ZFHX3: variants seen among roughly 807,000 people sequenced by gnomAD.
ZFHX3 encodes the protein zinc finger homeobox protein 3.
ZFHX3 carries 42 observed loss-of-function variants against 279.1 expected under a neutral mutation model. That is an observed-to-expected ratio of 0.15 (90% CI 0.12 to 0.19). ZFHX3 has a LOEUF of 0.19. Among genes scored for constraint, ZFHX3 ranks in the 10% least tolerant of loss-of-function variants. The pLI, the probability that ZFHX3 is intolerant of heterozygous loss-of-function variation, is 1.00. For missense variants in ZFHX3, 4,981 were observed against 4,754.0 expected (o/e 1.05, Z -1.40); for synonymous variants, 2,293 against 1,957.8 (o/e 1.17, Z -4.52).
chr16:73,250,480 C>T (rs1436014385), intron 5 of ZFHX3, among the ~76,000 whole-genome samples: 2 of 152,188 alleles, frequency 1.3e-5, no homozygotes, highest in Non-Finnish European at 2.9e-5. Context: ...TAATTACAAT[C>T]ACAATGAATA....
chr16:72,796,784 C>G lies in ZFHX3; in HGVS notation c.5898G>C (p.Lys1966Asn). 3.7e-6 allele frequency: 6 copies of G among 1,613,444 alleles called. No individual in the cohort carries two copies. Among genetic ancestry groups the G allele is most frequent in the Non-Finnish European group, 5.1e-6 (6 of 1,179,948 alleles). ...LVIQYNENKQ[K>N]VQKKNGKTDQ... ...CAGTCTTCCCATTCTTTTTCTGCAC[C>G]TTCTGCTTGTTCTCATTATACTGGA... Residue 1966 changes from lysine (K) to asparagine (N), a missense_variant, in exon 9 of 10, where the codon AAG becomes AAC. Around this residue, in one of 7 missense-constraint regions of ZFHX3, gnomAD observed 1,751 missense variants for 1,770.0 expected, o/e 0.99. Transcript: ENST00000268489.
At chr16:73,840,025 G>C (rs1388313433) in intron 1 of ZFHX3, among the ~76,000 whole-genome samples, 1 of 152,150 alleles carries the variant, frequency 6.6e-6, no homozygotes, top group Non-Finnish European at 1.5e-5. Flanking sequence ...TCACAGGTCA[G>C]TTTCTCTTGT....
chr16:73,772,936 C>A (rs2054035094), intron 1 of ZFHX3, among the ~76,000 whole-genome samples: 1 of 152,166 alleles, frequency 6.6e-6, no homozygotes, highest in Admixed American at 6.5e-5. Context: ...GATCTCAGAG[C>A]ATTTATTTCT....
chr16:72,990,892 A>G (rs1249147904), intron 1 of ZFHX3, among the ~76,000 whole-genome samples: 1 of 152,150 alleles, frequency 6.6e-6, no homozygotes, highest in Non-Finnish European at 1.5e-5. Context: ...AGGTACAAGA[A>G]TCGCTTAAAC....
intron 2 of ZFHX3, among the ~76,000 whole-genome samples, chr16:73,607,249 G>A (rs1029110562): frequency 6.6e-5 from 10 of 152,026 alleles, no homozygotes; most frequent in African/African-American, 1.4e-4. Context: ...GGCTGGTCTC[G>A]AACTCCTGAC....
At chr16:73,418,312 G>A (rs1337472630) in intron 3 of ZFHX3, among the ~76,000 whole-genome samples, 2 of 151,836 alleles carry the variant, frequency 1.3e-5, no homozygotes, top group African/African-American at 2.4e-5. Flanking sequence ...CTTCTGTTGA[G>A]TGACTTTGGG....
At position 73,840,830 on chromosome 16, in the gene ZFHX3, G is replaced by A. The variant is rs115637382; in HGVS notation, c.-1608+50821C>T. 1.9e-3 allele frequency among the ~76,000 whole-genome samples: 282 copies of A among 152,204 alleles called. 1 individual carries two copies. Among genetic ancestry groups the A allele is most frequent in the African/African-American group, 6.2e-3 (259 of 41,506 alleles). On this transcript the variant is annotated intron_variant, in intron 1 of 17. Transcript: ENST00000641206. Reference sequence around the variant, plus strand: ...TGATGAGATTTCCATTCCTCCTCCCGGTAAAACATGTCCCTTGGCAACCAT... The same window carrying A: ...TGATGAGATTTCCATTCCTCCTCCCAGTAAAACATGTCCCTTGGCAACCAT...
At chr16:72,880,145 C>T (rs531253879) in intron 4 of ZFHX3, among the ~76,000 whole-genome samples, 13 of 152,284 alleles carry the variant, frequency 8.5e-5, no homozygotes, top group Admixed American at 2.0e-4. Flanking sequence ...CTGTCCGAGG[C>T]GACTTCCAGG....
intron 4 of ZFHX3, among the ~76,000 whole-genome samples, chr16:72,867,115 G>C (rs934570253): frequency 6.6e-6 from 1 of 152,186 alleles, no homozygotes; most frequent in African/African-American, 2.4e-5. Context: ...CCAGTGTCAA[G>C]TCTCACTAAG....
chr16:73,047,434 C>G (rs1280713612), intron 1 of ZFHX3, among the ~76,000 whole-genome samples: 1 of 152,140 alleles, frequency 6.6e-6, no homozygotes, highest in East Asian at 1.9e-4. Context: ...TAGGCGGAGG[C>G]ACCCAAACTT....
intron 5 of ZFHX3, among the ~76,000 whole-genome samples, chr16:73,158,458 TTC>T (rs979720088): frequency 6.6e-6 from 1 of 152,148 alleles, no homozygotes; most frequent in Non-Finnish European, 1.5e-5. Context: ...TCCCCCTCCC[TTC>T]TCTTTTCTCT....
At chr16:72,864,042 G>T (rs967813665) in intron 4 of ZFHX3, among the ~76,000 whole-genome samples, 1 of 151,960 alleles carries the variant, frequency 6.6e-6, no homozygotes, top group Non-Finnish European at 1.5e-5. Flanking sequence ...GCGTGAACCC[G>T]GGAGGCAGAG....
chr16:73,020,201 G>A (rs1036196106), intron 1 of ZFHX3, among the ~76,000 whole-genome samples: 4 of 152,112 alleles, frequency 2.6e-5, no homozygotes, highest in Non-Finnish European at 5.9e-5. Flanking sequence ...GCACCGGGAG[G>A]CCTGATTTTA....
intron 3 of ZFHX3, among the ~76,000 whole-genome samples, chr16:73,356,310 C>A (rs1322739797): frequency 6.6e-6 from 1 of 150,602 alleles, no homozygotes; most frequent in African/African-American, 2.4e-5. Flanking sequence ...GTAACACCCT[C>A]ATTTGTTCTT....
intron 5 of ZFHX3, among the ~76,000 whole-genome samples, chr16:73,186,534 A>G (rs542080696): frequency 5.3e-4 from 81 of 151,490 alleles, no homozygotes; most frequent in Non-Finnish European, 9.7e-4. Context: ...ATACCAGCCA[A>G]TTCCCTAGTT....
chr16:72,970,150 C>G (rs986053501), intron 1 of ZFHX3, among the ~76,000 whole-genome samples: 1 of 151,758 alleles, frequency 6.6e-6, no homozygotes, highest in Admixed American at 6.6e-5. Flanking sequence ...AGGAGAGAGT[C>G]GTGACAGCGG....
Position 73,564,984 on chromosome 16 carries a change from GGCTCAT to G in ZFHX3, c.-1546-108732_-1546-108727del, listed in dbSNP as rs1176096539. On this transcript the variant is annotated intron_variant, in intron 2 of 17. Transcript: ENST00000641206. ...GAAACAGTATGAGGCCAGGCACGGTGGCTCATGCCTGTAATCCTACCATTTTGGGAG... is the reference window on the plus strand; with the variant it reads ...GAAACAGTATGAGGCCAGGCACGGTGGCCTGTAATCCTACCATTTTGGGAG... Among the ~76,000 whole-genome samples, 121 of 152,274 alleles carry G rather than the reference GGCTCAT, an allele frequency of 7.9e-4. 1 individual carries two copies. Among genetic ancestry groups the G allele is most frequent in the African/African-American group, 2.7e-3 (112 of 41,550 alleles).
intron 3 of ZFHX3, among the ~76,000 whole-genome samples, chr16:73,361,303 G>A (rs1352122296): frequency 6.6e-6 from 1 of 152,250 alleles, no homozygotes; most frequent in Non-Finnish European, 1.5e-5. Flanking sequence ...AGCAAGAAGA[G>A]GCTTGATAGG....
intron 7 of ZFHX3, among the ~76,000 whole-genome samples, chr16:72,810,685 C>T (rs2036418925): frequency 6.6e-6 from 1 of 152,178 alleles, no homozygotes; most frequent in Non-Finnish European, 1.5e-5. Flanking sequence ...AACCCACATT[C>T]ACGAATCAGC....
Sources: allele counts gnomAD v4.1 joint callset (sites outside exome capture counted in the v4.1 genomes callset), GRCh38; gene constraint gnomAD v4.1.1; regional missense constraint gnomAD v4.1.1; transcripts MANE v1.5; gene names NCBI Gene and HGNC (gene_info 2026-07-23, HGNC 2026-07-21).